CELSR1: variants seen among roughly 807,000 people sequenced by gnomAD.
CELSR1 encodes cadherin EGF LAG seven-pass G-type receptor 1, also known as adhesion G protein-coupled receptor C1.
CELSR1 carries 110 observed loss-of-function variants against 249.1 expected under a neutral mutation model. The observed-to-expected ratio is 0.44, with a 90% confidence interval of 0.38 to 0.52. CELSR1 has a LOEUF of 0.52. CELSR1 is among the 20% of genes least tolerant of loss of function. The pLI is 0.00. For missense variants in CELSR1, 4,109 were observed against 4,296.4 expected (o/e 0.96, Z 1.22); for synonymous variants, 2,113 against 1,900.0 (o/e 1.11, Z -2.92).
Position 46,364,618 on chromosome 22 carries a change from C to T in CELSR1, c.8673G>A (p.Glu2891=). The T allele has an allele frequency of 6.2e-7, 1 of 1,612,730 alleles. No homozygotes were observed. The highest frequency in any genetic ancestry group is 8.5e-7 in the Non-Finnish European group (1 of 1,179,910). The change falls in exon 33 of 35, where the codon GAG becomes GAA. Residue 2891 remains glutamate, a synonymous_variant. Coordinates refer to ENST00000674500, the MANE Select transcript of CELSR1 (RefSeq NM_001378328.1). ...GACTGCCCTGCTCCTCGCGGTGCAG[C>T]TCCACGCTGACCTTGGTCTCCACCT... The part of the protein sequence containing the change: ...RLKVETKVSV[E]LHREEQGSHR...
chr22:46,410,277 A>C lies in CELSR1; in HGVS notation c.4933+121T>G, dbSNP rs1342383879. The C allele has an allele frequency of 5.6e-6, 7 of 1,255,802 alleles. No homozygotes were observed. The highest frequency in any genetic ancestry group is 6.7e-6 in the Non-Finnish European group (6 of 888,982). 77.8% of individuals were successfully genotyped at this position (1,255,802 alleles called of 1,614,324 possible). On this transcript the variant is annotated intron_variant, in intron 7 of 34. Transcript: ENST00000674500. The surrounding 1 kb of genome is among the most constrained non-coding windows in gnomAD (Gnocchi z 6.8). The stretch of plus-strand genomic sequence containing the variant: ...TCCCAGGAGCTGCCCACCGCTGGAC[A>C]CATACATTTCTAAGAAAAACACGGC...
intron 1 of CELSR1, among the ~76,000 whole-genome samples, chr22:46,520,346 G>A (rs1034273936): frequency 4.6e-5 from 7 of 151,858 alleles, no homozygotes; most frequent in African/African-American, 1.7e-4. Context: ...TGAAACCACA[G>A]ACACAGGCAC....
At chr22:46,466,642 GGAC>G (rs1177418145) in intron 1 of CELSR1, among the ~76,000 whole-genome samples, 1 of 152,168 alleles carries the variant, frequency 6.6e-6, no homozygotes, top group Non-Finnish European at 1.5e-5. Context: ...ACTGGGTTTG[GGAC>G]GCTTTGTTAC....
chr22:46,439,295 C>T lies in CELSR1; in HGVS notation c.4300G>A (p.Glu1434Lys), dbSNP rs149377700. Reference protein sequence around the residue: ...GGFHCVCPPGEYERPYCEVTT... With the variant: ...GGFHCVCPPGKYERPYCEVTT... ...ACCTCACAGTAGGGCCTCTCATACT[C>T]GCCAGGAGGACACACGCAGTGGAAG... The change falls in exon 3 of 35, where the codon GAG (glutamate) becomes AAG (lysine). Residue 1434 changes from glutamate (E) to lysine (K), a missense_variant. Transcript: ENST00000674500. The T allele has an allele frequency of 1.9e-3, 3,026 of 1,614,056 alleles. 68 individuals carry two copies. Among genetic ancestry groups the T allele is most frequent in the Non-Finnish European group, 1.5e-4 (181 of 1,180,012 alleles).
In CELSR1 at chr22:46,468,002, T is replaced by C. The variant is rs1377069415; in HGVS notation, c.3545-3657A>G. On this transcript the variant is annotated intron_variant, in intron 1 of 34. Transcript: ENST00000674500. The surrounding 1 kb of genome is among the most constrained non-coding windows in gnomAD (Gnocchi z 4.5). ...TACTTTTTGTAACAAAAGAAAAAGA[T>C]GAGTCAACCACACCTATGTTCATAG... 2.0e-5 allele frequency among the ~76,000 whole-genome samples: 3 copies of C among 152,056 alleles called. No homozygotes were observed. The highest frequency in any genetic ancestry group is 2.0e-4 in the Admixed American group (3 of 15,256).
At position 46,423,655 on chromosome 22, in the gene CELSR1, G is replaced by C. The variant is rs1205309024; in HGVS notation, c.4611+9738C>G. On this transcript the variant is annotated intron_variant, in intron 5 of 34. Coordinates refer to ENST00000674500, the MANE Select transcript of CELSR1 (RefSeq NM_001378328.1). This position sits in a 1 kb window ranked among gnomAD's most constrained non-coding sequence, Gnocchi z 5.6. ...CATGCTTTAGGCAGTTTATGACCTT[G>C]AAAAAGCTATCCGATGAGCACTATT... Among the ~76,000 whole-genome samples, 1 of 149,036 alleles carries C rather than the reference G, an allele frequency of 6.7e-6. No homozygotes were observed. Among genetic ancestry groups the C allele is most frequent in the African/African-American group, 2.5e-5 (1 of 40,160 alleles).
rs1007387924 is a variant in CELSR1 at position 46,448,492 on chromosome 22, G to C, written c.4184-9081C>G. The C allele has an allele frequency of 2.5e-6, 1 of 399,778 alleles. No individual in the cohort carries two copies. Among genetic ancestry groups the C allele is most frequent in the Admixed American group, 3.1e-5 (1 of 32,270 alleles). The allele number at this position is 399,778 out of a possible 1,614,324, so 24.8% of individuals were successfully genotyped here. On this transcript the variant is annotated intron_variant, in intron 2 of 34. Transcript: ENST00000674500. The surrounding 1 kb of genome is among the most constrained non-coding windows in gnomAD (Gnocchi z 5.7). ...CGCGCTGGGAACGTGCCCCAGGAGG[G>C]GAAGGGCGTGTAAAGATTGACCACT...
At chr22:46,388,257 G>C (rs1344910172) in intron 18 of CELSR1, among the ~76,000 whole-genome samples, 1 of 152,082 alleles carries the variant, frequency 6.6e-6, no homozygotes, top group Non-Finnish European at 1.5e-5. Context: ...GCTGAGGCAG[G>C]AGAATTGCTT....
At chr22:46,459,431 C>T (rs941361668) in intron 2 of CELSR1, among the ~76,000 whole-genome samples, 2 of 152,192 alleles carry the variant, frequency 1.3e-5, no homozygotes, top group Admixed American at 6.5e-5. Context: ...GCACAGAAGG[C>T]GCCTTTCACA....
rs111924493 is a variant in CELSR1 at position 46,396,466 on chromosome 22, A to T, written c.5843+139T>A. ...ATTTGATTTTCACTTAATTCATGCC[A>T]AATTAAAAAAAAATATGTCCCTGTT... On this transcript the variant is annotated intron_variant, in intron 13 of 34. Transcript: ENST00000674500. This position sits in a 1 kb window ranked among gnomAD's most constrained non-coding sequence, Gnocchi z 6.4. The T allele has an allele frequency of 1.3e-5, 12 of 903,450 alleles. No homozygotes were observed. Among genetic ancestry groups the T allele is most frequent in the African/African-American group, 5.3e-5 (3 of 57,042 alleles). The allele number at this position is 903,450 out of a possible 1,614,324, so 56.0% of individuals were successfully genotyped here.
rs1295722138 is a variant in CELSR1 at position 46,434,012 on chromosome 22, A to G, written c.4523-531T>C. 6.6e-6 allele frequency among the ~76,000 whole-genome samples: 1 copy of G among 152,196 alleles called. No homozygotes were observed. Among genetic ancestry groups the G allele is most frequent in the Admixed American group, 6.5e-5 (1 of 15,270 alleles). ...TCCTTTTCTAAATATGAAAAAATAT[A>G]AACACGGAAAACCCATCTGTCTGTA... On this transcript the variant is annotated intron_variant, in intron 4 of 34. Coordinates refer to ENST00000674500, the MANE Select transcript of CELSR1 (RefSeq NM_001378328.1). This position sits in a 1 kb window ranked among gnomAD's most constrained non-coding sequence, Gnocchi z 4.9.
At chr22:46,450,416 T>C (rs968568523) in intron 2 of CELSR1, among the ~76,000 whole-genome samples, 1 of 152,202 alleles carries the variant, frequency 6.6e-6, no homozygotes, top group African/African-American at 2.4e-5. Flanking sequence ...AGGTTCACAT[T>C]TGGGGATGAG....
In CELSR1 at chr22:46,407,635, A is replaced by AAAAAC. The variant is rs1555911901; in HGVS notation, c.5226+1356_5226+1360dup. Among the ~76,000 whole-genome samples, 11 of 152,264 alleles carry AAAAAC rather than the reference A, an allele frequency of 7.2e-5. No homozygotes were observed. The highest frequency in any genetic ancestry group is 9.6e-5 in the African/African-American group (4 of 41,550). ...CAACAAGAGCAAAACTTTATCTCAA[A>AAAAAC]AAAACAAAACAAAACAAAACAAAAA... On this transcript the variant is annotated intron_variant, in intron 9 of 34. Coordinates refer to ENST00000674500, the MANE Select transcript of CELSR1 (RefSeq NM_001378328.1). This position sits in a 1 kb window ranked among gnomAD's most constrained non-coding sequence, Gnocchi z 4.8.
rs1004686772 is a variant in CELSR1, at chr22:46,390,017, G to A, written c.6345+375C>T. 2.0e-5 allele frequency among the ~76,000 whole-genome samples: 3 copies of A among 152,170 alleles called. No homozygotes were observed. Among genetic ancestry groups the A allele is most frequent in the East Asian group, 1.9e-4 (1 of 5,196 alleles). On this transcript the variant is annotated intron_variant, in intron 17 of 34. Transcript: ENST00000674500. The surrounding 1 kb of genome is among the most constrained non-coding windows in gnomAD (Gnocchi z 6.3). ...CTGCTGACAGCTAGACCATGGAAAC[G>A]AGGGTCTGGTGGGCCAAAGAGGGCT...
In CELSR1 at chr22:46,463,852, G is replaced by T; in HGVS notation, c.4038C>A (p.Gly1346=). ...VLFRPIHPIN[G]LRCRCPPGFT... ...AGCCGGGCGGGCAGCGGCAGCGCAG[G>T]CCGTTGATGGGGTGGATGGGCCGGA... The change falls in exon 2 of 35, where the codon GGC becomes GGA. Residue 1346 remains glycine, a synonymous_variant. Transcript: ENST00000674500. The T allele has an allele frequency of 6.2e-7, 1 of 1,612,416 alleles. No homozygotes were observed. The highest frequency in any genetic ancestry group is 8.5e-7 in the Non-Finnish European group (1 of 1,179,308).
At chr22:46,502,944 G>A (rs772557724) in intron 1 of CELSR1, among the ~76,000 whole-genome samples, 4 of 152,152 alleles carry the variant, frequency 2.6e-5, no homozygotes, top group Non-Finnish European at 5.9e-5. Context: ...TGTGCACCCC[G>A]GGAGCAGGTC....
intron 14 of CELSR1, among the ~76,000 whole-genome samples, chr22:46,392,156 TA>T (rs1454368832): frequency 6.6e-6 from 1 of 152,264 alleles, no homozygotes; most frequent in Non-Finnish European, 1.5e-5. Context: ...GGCGTTTTTT[TA>T]AAGTTGTTTT....
Position 46,536,916 on chromosome 22 carries a change from C to A in CELSR1, c.255G>T (p.Pro85=). ...CCACCAAGCGGACTTGCAGCGGCAGCGGGCGCCCCGCGCCCGAGACGCGCC... is the reference window on the plus strand; with the variant it reads ...CCACCAAGCGGACTTGCAGCGGCAGAGGGCGCCCCGCGCCCGAGACGCGCC... The part of the protein sequence containing the change: ...GRRRVSGAGR[P]LPLQVRLVAR... The change falls in exon 1 of 35, where the codon CCG becomes CCT. Residue 85 remains proline (P), a synonymous_variant. Coordinates refer to ENST00000674500, the MANE Select transcript of CELSR1 (RefSeq NM_001378328.1). The A allele has an allele frequency of 8.5e-7, 1 of 1,182,286 alleles. No homozygotes were observed. The allele number at this position is 1,182,286 out of a possible 1,614,324, so 73.2% of individuals were successfully genotyped here.
chr22:46,364,788 C>T, intron 32 of CELSR1, 52 bp from the exon 33 acceptor site: 9 of 1,543,852 alleles, frequency 5.8e-6, no homozygotes, highest in Non-Finnish European at 7.9e-6. Context: ...ACTCGAGCTG[C>T]TCCCTTGAGA....
Sources: gnomAD v4.1 joint callset for allele counts (sites outside exome capture counted in the v4.1 genomes callset) on GRCh38, gnomAD v4.1.1 for gene constraint, Gnocchi (gnomAD v3.1) non-coding constraint, MANE v1.5 for transcripts, NCBI Gene and HGNC (gene_info 2026-07-23, HGNC 2026-07-21) for gene names.